Variants in ADAMTS20 observed in about 807,000 individuals in gnomAD.
ADAMTS20 encodes the protein A disintegrin and metalloproteinase with thrombospondin motifs 20.
In ADAMTS20, 225 loss-of-function variants were observed where a neutral mutation model predicts 260.1. That is an observed-to-expected ratio of 0.87 (90% CI 0.78 to 0.97). ADAMTS20 has a LOEUF of 0.97. ADAMTS20 is among the 50% of genes least tolerant of loss of function. The pLI is 0.00. For missense variants in ADAMTS20, 2,400 were observed against 2,337.7 expected (o/e 1.03, Z -0.55); for synonymous variants, 802 against 769.5 (o/e 1.04, Z -0.70).
intron 28 of ADAMTS20, among the ~76,000 whole-genome samples, chr12:43,414,103 A>AT (rs1285295932): frequency 2.0e-5 from 3 of 152,216 alleles, no homozygotes; most frequent in African/African-American, 7.2e-5. Context: ...AAGATTATAA[A>AT]TTAGGGATTT....
chr12:43,423,421 C>T lies in ADAMTS20; in HGVS notation c.4284+2093G>A, dbSNP rs899667794. The T allele has an allele frequency of 1.3e-5, 4 of 318,452 alleles. No homozygotes were observed. In the South Asian group the frequency reaches 1.6e-4, roughly 13 times the overall value. 19.7% of individuals were successfully genotyped at this position (318,452 alleles called of 1,614,324 possible). A position where few individuals can be genotyped will look rare whatever the true frequency, so the allele number is the denominator to read the frequency against. On this transcript the variant is annotated intron_variant, in intron 28 of 38. Transcript: ENST00000389420. ...CAATATCTAATATAAAGCATGAGAC[C>T]TAAGTAAATGTTTAATGCTTGGTGA... is the stretch of plus-strand genomic sequence containing the variant.
intron 2 of ADAMTS20, among the ~76,000 whole-genome samples, chr12:43,539,491 C>A (rs1045885121): frequency 3.3e-5 from 5 of 152,092 alleles, no homozygotes; most frequent in Non-Finnish European, 7.4e-5. Context: ...TATAAGAATT[C>A]TTATCTATTT....
Position 43,446,638 on chromosome 12 carries a change from A to G in ADAMTS20, c.2154T>C (p.Ser718=), listed in dbSNP as rs1941766030. 1 of 1,613,338 alleles carries G rather than the reference A, an allele frequency of 6.2e-7. No individual in the cohort carries two copies. Among genetic ancestry groups the G allele is most frequent in the South Asian group, 1.1e-5 (1 of 91,068 alleles). Residue 718 remains serine, a synonymous_variant, in exon 15 of 39, where the codon TCT becomes TCC. Transcript: ENST00000389420. ...AGACACCTGTTATTGTCTTGCATGA[A>G]GAGTTGTCCCCACCACACACTCCAC... ...DKCGVCGGDN[S]SCKTITGVFN...
At chr12:43,395,814 G>A (rs184240502) in intron 29 of ADAMTS20, among the ~76,000 whole-genome samples, 2 of 151,500 alleles carry the variant, frequency 1.3e-5, no homozygotes, top group African/African-American at 2.4e-5. Flanking sequence ...AGAATGCACT[G>A]GTGAGGGGAC....
intron 3 of ADAMTS20, among the ~76,000 whole-genome samples, chr12:43,520,442 A>T (rs533389001): frequency 3.9e-4 from 60 of 152,132 alleles, no homozygotes; most frequent in Non-Finnish European, 5.3e-4. Flanking sequence ...CCAAGAAGGG[A>T]AGTGGGAGGA....
At chr12:43,356,660 A>G in intron 37 of ADAMTS20, 72 bp from the exon 38 acceptor site, 5 of 1,066,730 alleles carry the variant, frequency 4.7e-6, no homozygotes, top group Non-Finnish European at 7.0e-6. Context: ...AGTCTTCTCA[A>G]TTGCAAGGGG....
chr12:43,439,604 T>C lies in ADAMTS20; in HGVS notation c.2593+18A>G. The C allele has an allele frequency of 2.5e-6, 4 of 1,591,712 alleles. No homozygotes were observed. The highest frequency in any genetic ancestry group is 3.4e-6 in the Non-Finnish European group (4 of 1,172,668). On this transcript the variant is annotated intron_variant, in intron 18 of 38. Coordinates refer to ENST00000389420, the MANE Select transcript of ADAMTS20 (RefSeq NM_025003.5). ...AATGCACAGTCAGTCTTTTCTCCCTTATTGAATGCCAGCGTACCTTGACAC... is the reference window on the plus strand; with the variant it reads ...AATGCACAGTCAGTCTTTTCTCCCTCATTGAATGCCAGCGTACCTTGACAC...
chr12:43,508,504 T>A (rs1942876728), intron 3 of ADAMTS20, among the ~76,000 whole-genome samples: 1 of 152,100 alleles, frequency 6.6e-6, no homozygotes, highest in South Asian at 2.1e-4. Context: ...TTTATAGAAA[T>A]GAGTTAATGA....
In ADAMTS20 at chr12:43,551,647, G is replaced by T. The variant is rs1241167989; in HGVS notation, c.91+184C>A. 6.6e-6 allele frequency among the ~76,000 whole-genome samples: 1 copy of T among 152,156 alleles called. No homozygotes were observed. The highest frequency in any genetic ancestry group is 2.1e-4 in the South Asian group (1 of 4,828). Reference sequence around the variant, plus strand: ...CCTGGGAGTGCGATGCGTCTTAGGCGCGCGCGATTCCTCGAAACCCGGCGC... The same window carrying T: ...CCTGGGAGTGCGATGCGTCTTAGGCTCGCGCGATTCCTCGAAACCCGGCGC... On this transcript the variant is annotated intron_variant, in intron 1 of 38. Transcript: ENST00000389420. This position sits in a 1 kb window ranked among gnomAD's most constrained non-coding sequence, Gnocchi z 4.6.
Position 43,434,283 on chromosome 12 carries a change from T to C in ADAMTS20, c.2682A>G (p.Ser894=). ...CTGTATTGCAACTTTGAGTAACAAA[T>C]GATGGAAGTGGCAAGTGGTCACATT... ...DKECDHLPLP[S]FVTQSCNTDC... The change falls in exon 19 of 39, where the codon TCA becomes TCG. Residue 894 remains serine (S), a synonymous_variant. Transcript: ENST00000389420. 2 of 1,590,282 alleles carry C rather than the reference T, an allele frequency of 1.3e-6. No individual in the cohort carries two copies. Among genetic ancestry groups the C allele is most frequent in the Non-Finnish European group, 8.6e-7 (1 of 1,166,582 alleles).
intron 29 of ADAMTS20, among the ~76,000 whole-genome samples, chr12:43,397,973 GA>G (rs531668277): frequency 5.4e-4 from 82 of 152,284 alleles, no homozygotes; most frequent in African/African-American, 1.9e-3. Context: ...TGAGCGCAAA[GA>G]GAGAATGATG....
chr12:43,508,956 A>G (rs966966863), intron 3 of ADAMTS20, among the ~76,000 whole-genome samples: 6 of 152,040 alleles, frequency 3.9e-5, no homozygotes, highest in African/African-American at 9.7e-5. Flanking sequence ...CCCTGTGTCC[A>G]TGTGTTCTCA....
Position 43,377,573 on chromosome 12 carries a change from C to G in ADAMTS20, c.4798-11G>C. 3.1e-6 allele frequency: 5 copies of G among 1,596,392 alleles called. No homozygotes were observed. Among genetic ancestry groups the G allele is most frequent in the Non-Finnish European group, 4.3e-6 (5 of 1,168,408 alleles). ...ACAGTTGTTTGCACACTGAAAAATA[C>G]ATAATTACAAGAAAGAAAATGTCAT... On this transcript the variant is annotated splice_polypyrimidine_tract_variant and intron_variant, in intron 31 of 38. Transcript: ENST00000389420.
chr12:43,532,444 A>T (rs1943236533), intron 2 of ADAMTS20, among the ~76,000 whole-genome samples: 1 of 152,190 alleles, frequency 6.6e-6, no homozygotes. Context: ...TCCAGGTGCA[A>T]AGAACAGCAT....
intron 31 of ADAMTS20, among the ~76,000 whole-genome samples, chr12:43,380,494 A>C (rs1328374340): frequency 6.6e-6 from 1 of 152,170 alleles, no homozygotes; most frequent in Non-Finnish European, 1.5e-5. Flanking sequence ...AAGTAAAACT[A>C]TCTCTATTTG....
Position 43,432,679 on chromosome 12 carries a change from G to A in ADAMTS20, c.2853C>T (p.Asp951=). The change falls in exon 20 of 39, where the codon GAC becomes GAT. Residue 951 remains aspartate, a synonymous_variant. Transcript: ENST00000389420. ...GTTCTTGGGTAGGAGGTTTAAGCTG[G>A]TCACCACAGTAGTGGTCATCAACTT... ...TVQVDDHYCG[D]QLKPPTQELC... 1 of 1,613,844 alleles carries A rather than the reference G, an allele frequency of 6.2e-7. No homozygotes were observed. The highest frequency in any genetic ancestry group is 1.3e-5 in the African/African-American group (1 of 75,012).
chr12:43,457,971 T>C (rs1373710656), intron 11 of ADAMTS20, among the ~76,000 whole-genome samples: 2 of 152,216 alleles, frequency 1.3e-5, no homozygotes, highest in African/African-American at 2.4e-5. Flanking sequence ...ATGACAGGTC[T>C]CAGTTAATTT....
intron 2 of ADAMTS20, among the ~76,000 whole-genome samples, chr12:43,543,825 A>G (rs952957178): frequency 1.3e-5 from 2 of 152,190 alleles, no homozygotes; most frequent in African/African-American, 4.8e-5. Flanking sequence ...GTTCTCCTCA[A>G]TAGAATATAC....
chr12:43,471,899 A>G (rs1326179475), intron 7 of ADAMTS20, among the ~76,000 whole-genome samples: 2 of 139,586 alleles, frequency 1.4e-5, no homozygotes, highest in African/African-American at 5.3e-5. Flanking sequence ...AACAGAACAG[A>G]AAAACTGGAA....
Sources: gnomAD v4.1 joint callset for allele counts (sites outside exome capture counted in the v4.1 genomes callset) on GRCh38, gnomAD v4.1.1 for gene constraint, Gnocchi (gnomAD v3.1) non-coding constraint, MANE v1.5 for transcripts, NCBI Gene and HGNC (gene_info 2026-07-23, HGNC 2026-07-21) for gene names.